PODXL: variants seen among roughly 807,000 people sequenced by gnomAD.
The protein encoded by PODXL is podocalyxin like.
A neutral mutation model predicts 48.9 loss-of-function variants in PODXL; 20 were observed. The ratio of observed to expected loss-of-function variants is 0.41; its 90% CI spans 0.29 to 0.59. The LOEUF is 0.59. Among genes scored for constraint, PODXL ranks in the 20% least tolerant of loss-of-function variants. PODXL has a pLI of 0.31. For missense variants in PODXL, 606 were observed against 675.1 expected (o/e 0.90, Z 1.13); for synonymous variants, 295 against 287.4 (o/e 1.03, Z -0.27).
chr7:131,531,800 T>C (rs1304380056), intron 1 of PODXL, among the ~76,000 whole-genome samples: 2 of 152,220 alleles, frequency 1.3e-5, no homozygotes, highest in East Asian at 3.9e-4. Flanking sequence ...AAAGACCCTT[T>C]GTCCACATAA....
At position 131,543,551 on chromosome 7, in the gene PODXL, C is replaced by G. The variant is rs529135865; in HGVS notation, c.100+12709G>C. On this transcript the variant is annotated intron_variant, in intron 1 of 8. Coordinates refer to ENST00000378555, the MANE Select transcript of PODXL (RefSeq NM_001018111.3). ...TCTCAGCCCAACAAGTAGAGACGAG[C>G]AAGCAGTCAGAGGACCAGGCACCAC... Among the ~76,000 whole-genome samples, 32 of 152,208 alleles carry G rather than the reference C, an allele frequency of 2.1e-4. No homozygotes were observed. The South Asian group carries it at 6.4e-3, about 31-fold the overall frequency.
chr7:131,556,228 G>A (rs1348240170), intron 1 of PODXL, 32 bp downstream of exon 1: 5 of 1,448,326 alleles, frequency 3.5e-6, no homozygotes, highest in Admixed American at 5.4e-5. Flanking sequence ...GGCACGGTGG[G>A]AGTCCCGGCG....
intron 1 of PODXL, among the ~76,000 whole-genome samples, chr7:131,543,638 GT>G (rs1220054289): frequency 6.6e-6 from 1 of 152,132 alleles, no homozygotes; most frequent in Non-Finnish European, 1.5e-5. Context: ...CTCCAATCCT[GT>G]GGGGTCTGAG....
intron 1 of PODXL, 31 bp downstream of exon 1, chr7:131,556,229 A>G: frequency 6.9e-7 from 1 of 1,448,552 alleles, no homozygotes. Flanking sequence ...GCACGGTGGG[A>G]GTCCCGGCGG....
intron 1 of PODXL, among the ~76,000 whole-genome samples, chr7:131,553,618 G>T (rs1409545722): frequency 6.6e-6 from 1 of 152,180 alleles, no homozygotes; most frequent in Non-Finnish European, 1.5e-5. Flanking sequence ...TGAGGTTCAG[G>T]GAGGTCCACT....
intron 1 of PODXL, among the ~76,000 whole-genome samples, chr7:131,555,205 T>C (rs1798724352): frequency 6.6e-6 from 1 of 152,152 alleles, no homozygotes; most frequent in Admixed American, 6.5e-5. Flanking sequence ...ACCCTGTCTG[T>C]GCTGTCCCCG....
chr7:131,505,118 G>A (rs957963335), intron 8 of PODXL, among the ~76,000 whole-genome samples: 8 of 152,166 alleles, frequency 5.3e-5, no homozygotes, highest in African/African-American at 1.4e-4. Flanking sequence ...AGTTCCCCAC[G>A]GTGTGCAGGC....
intron 1 of PODXL, among the ~76,000 whole-genome samples, chr7:131,546,722 T>G (rs566006633): frequency 3.2e-4 from 25 of 79,186 alleles, no homozygotes; most frequent in African/African-American, 1.2e-3. Context: ...TGAGGCCCTG[T>G]CTCAAAAAAA....
intron 1 of PODXL, among the ~76,000 whole-genome samples, chr7:131,549,251 C>A (rs557212502): frequency 2.0e-5 from 3 of 152,096 alleles, no homozygotes; most frequent in Non-Finnish European, 2.9e-5. Context: ...GAGTGAACCA[C>A]GTACATATTG....
At position 131,502,945 on chromosome 7, in the gene PODXL, A is replaced by G. The variant is rs1388431277; in HGVS notation, c.*1366T>C. On this transcript the variant is annotated 3_prime_UTR_variant, in exon 9 of 9. Coordinates refer to ENST00000378555, the MANE Select transcript of PODXL (RefSeq NM_001018111.3). ...GCAAGGCCTAGCTCCAGGCCAGGAC[A>G]GTGGGACGTTCCCACAACAGTCTGT... The G allele has an allele frequency of 6.5e-6, 1 of 152,714 alleles. No individual in the cohort carries two copies. Among genetic ancestry groups the G allele is most frequent in the African/African-American group, 2.4e-5 (1 of 41,466 alleles). 9.5% of individuals were successfully genotyped at this position (152,714 alleles called of 1,614,324 possible).
In PODXL at chr7:131,502,259, C is replaced by G. The variant is rs1442484987; in HGVS notation, c.*2052G>C. On this transcript the variant is annotated 3_prime_UTR_variant, in exon 9 of 9. Coordinates refer to ENST00000378555, the MANE Select transcript of PODXL (RefSeq NM_001018111.3). ...GCAAGAAGGAAGCAAACACCTCACT[C>G]AAGCCTAACAAGATTTCCTGTTTTC... is the stretch of plus-strand genomic sequence containing the variant. The G allele has an allele frequency of 6.6e-6, 1 of 152,246 alleles. No homozygotes were observed. The highest frequency in any genetic ancestry group is 1.5e-5 in the Non-Finnish European group (1 of 68,100). 9.4% of individuals were successfully genotyped at this position (152,246 alleles called of 1,614,324 possible). A position where few individuals can be genotyped will look rare whatever the true frequency, so the allele number is the denominator to read the frequency against.
intron 8 of PODXL, 33 bp downstream of exon 8, chr7:131,505,835 G>T: frequency 2.0e-6 from 3 of 1,535,634 alleles, no homozygotes; most frequent in Middle Eastern, 3.5e-4. Flanking sequence ...GACCTGGGCT[G>T]CTTCCCCTGT....
chr7:131,518,877 T>A (rs10224884), intron 1 of PODXL, among the ~76,000 whole-genome samples: 10 of 151,894 alleles, frequency 6.6e-5, no homozygotes, highest in South Asian at 6.2e-4. Flanking sequence ...AAAACTGATA[T>A]GCTGAAGGGG....
chr7:131,508,723 G>GA (rs1797853809), intron 5 of PODXL, among the ~76,000 whole-genome samples: 1 of 147,930 alleles, frequency 6.8e-6, no homozygotes, highest in African/African-American at 2.5e-5. Flanking sequence ...GGGAGGGGGG[G>GA]GTCCAGTCCT....
At chr7:131,531,148 TC>T (rs1419899768) in intron 1 of PODXL, among the ~76,000 whole-genome samples, 3 of 152,206 alleles carry the variant, frequency 2.0e-5, no homozygotes, top group Non-Finnish European at 1.5e-5. Context: ...GGCACTCATT[TC>T]CTTCCACCAA....
chr7:131,506,401 G>T (rs978164710), intron 6 of PODXL, 80 bp from the exon 7 acceptor site: 1 of 1,509,770 alleles, frequency 6.6e-7, no homozygotes, highest in Non-Finnish European at 9.2e-7. Context: ...CCAAGAGAGG[G>T]ACGCACCGTA....
At chr7:131,535,739 G>A (rs957327186) in intron 1 of PODXL, among the ~76,000 whole-genome samples, 21 of 152,092 alleles carry the variant, frequency 1.4e-4, no homozygotes, top group African/African-American at 4.8e-4. Flanking sequence ...TGATGTCTAA[G>A]ATCCCCCTGG....
At chr7:131,552,793 GT>G (rs1183657733) in intron 1 of PODXL, among the ~76,000 whole-genome samples, 1 of 152,116 alleles carries the variant, frequency 6.6e-6, no homozygotes, top group African/African-American at 2.4e-5. Flanking sequence ...TGGGCACCTT[GT>G]TTTTTTCCTT....
intron 5 of PODXL, 82 bp from the exon 6 acceptor site, chr7:131,506,808 C>G (rs1015587955): frequency 8.9e-6 from 13 of 1,461,814 alleles, no homozygotes; most frequent in Non-Finnish European, 1.2e-5. Flanking sequence ...CAGCTAAGGT[C>G]GGGACAGTGC....
Sources: gnomAD v4.1 joint callset for allele counts (sites outside exome capture counted in the v4.1 genomes callset) on GRCh38, gnomAD v4.1.1 for gene constraint, MANE v1.5 for transcripts, NCBI Gene and HGNC (gene_info 2026-07-23, HGNC 2026-07-21) for gene names.